The following FBXL7 variants were observed in gnomAD, a reference collection of about 807,000 sequenced individuals.
The protein encoded by FBXL7 is F-box/LRR-repeat protein 7.
Under a neutral mutation model 38.3 loss-of-function variants are expected in FBXL7, and 12 were observed. The observed-to-expected ratio is 0.31, with a 90% CI of 0.20 to 0.51. The LOEUF is 0.51. FBXL7 is among the 20% of genes least tolerant of loss of function. The pLI is 0.98. For synonymous variants in FBXL7, 297 were observed against 300.9 expected (o/e 0.99, Z 0.13); for missense variants, 567 against 676.4 (o/e 0.84, Z 1.79).
At chr5:15,886,210 GGT>G (rs140069204) in intron 2 of FBXL7, among the ~76,000 whole-genome samples, 17 of 149,880 alleles carry the variant, frequency 1.1e-4, no homozygotes, top group Non-Finnish European at 1.9e-4. Flanking sequence ...ATAATTTTGA[GGT>G]GTGTGTGTGT....
chr5:15,561,463 C>T (rs1561028314), intron 1 of FBXL7, among the ~76,000 whole-genome samples: 1 of 152,124 alleles, frequency 6.6e-6, no homozygotes, highest in Non-Finnish European at 1.5e-5. Flanking sequence ...CATTCATCCG[C>T]TGATGGATAT....
chr5:15,809,056 C>T (rs961376638), intron 2 of FBXL7, among the ~76,000 whole-genome samples: 1 of 152,150 alleles, frequency 6.6e-6, no homozygotes, highest in Non-Finnish European at 1.5e-5. Flanking sequence ...ATAGATTTAA[C>T]TCTGCAGGAA....
At chr5:15,749,622 G>C (rs369854277) in intron 2 of FBXL7, among the ~76,000 whole-genome samples, 2 of 151,738 alleles carry the variant, frequency 1.3e-5, no homozygotes, top group Admixed American at 1.3e-4. Context: ...GCGAGACTCC[G>C]TCTCAAAAAA....
chr5:15,563,462 C>T lies in FBXL7; in HGVS notation c.38-52521C>T, dbSNP rs188510627. ...TTGTTGAGTTCATGCTGGCTGCAAC[C>T]ACTGGGGCTGCTAAAGCGTCTTTCA... On this transcript the variant is annotated intron_variant, in intron 1 of 3. Transcript: ENST00000504595. Among the ~76,000 whole-genome samples the T allele has an allele frequency of 8.4e-4, 128 of 152,234 alleles. 1 individual carries two copies. The highest frequency in any genetic ancestry group is 9.9e-4 in the Non-Finnish European group (67 of 67,992).
At chr5:15,798,102 C>T (rs1297523033) in intron 2 of FBXL7, among the ~76,000 whole-genome samples, 2 of 152,144 alleles carry the variant, frequency 1.3e-5, no homozygotes. Context: ...AGCATTGGTG[C>T]CATTTCACAT....
intron 1 of FBXL7, among the ~76,000 whole-genome samples, chr5:15,538,776 G>A (rs779161902): frequency 6.6e-6 from 1 of 152,134 alleles, no homozygotes; most frequent in African/African-American, 2.4e-5. Context: ...GGGCAGCAGT[G>A]GATCAATGGA....
chr5:15,594,687 G>A (rs1160246112), intron 1 of FBXL7, among the ~76,000 whole-genome samples: 2 of 152,232 alleles, frequency 1.3e-5, no homozygotes, highest in Non-Finnish European at 2.9e-5. Context: ...CTTTGGAAAT[G>A]TTCCGGGAAT....
intron 1 of FBXL7, among the ~76,000 whole-genome samples, chr5:15,533,158 A>G (rs1233958551): frequency 6.6e-6 from 1 of 152,102 alleles, no homozygotes; most frequent in Non-Finnish European, 1.5e-5. Context: ...CTTGTTGGAA[A>G]TCACTAGATT....
chr5:15,700,193 T>C (rs2126632014), intron 2 of FBXL7, among the ~76,000 whole-genome samples: 1 of 152,328 alleles, frequency 6.6e-6, no homozygotes, highest in East Asian at 1.9e-4. Context: ...CAAAGGCTCT[T>C]CTTGAAGTGG....
intron 1 of FBXL7, among the ~76,000 whole-genome samples, chr5:15,613,802 C>T (rs963277037): frequency 6.6e-6 from 1 of 152,154 alleles, no homozygotes; most frequent in African/African-American, 2.4e-5. Context: ...CTGTTATAAC[C>T]AAATACCATA....
chr5:15,824,472 G>A (rs1020074977), intron 2 of FBXL7, among the ~76,000 whole-genome samples: 5 of 151,950 alleles, frequency 3.3e-5, no homozygotes, highest in Admixed American at 1.3e-4. Context: ...GCTTGTGACC[G>A]TGGCGCCCTC....
chr5:15,882,033 G>A (rs556886385), intron 2 of FBXL7, among the ~76,000 whole-genome samples: 1 of 152,194 alleles, frequency 6.6e-6, no homozygotes, highest in East Asian at 1.9e-4. Context: ...AGGAGTGTTG[G>A]GAGAGGTGCT....
At chr5:15,533,950 C>T (rs944114135) in intron 1 of FBXL7, among the ~76,000 whole-genome samples, 1 of 151,860 alleles carries the variant, frequency 6.6e-6, no homozygotes, top group Admixed American at 6.6e-5. Context: ...CCTTTTTTTC[C>T]CCCTTTTTTG....
intron 2 of FBXL7, among the ~76,000 whole-genome samples, chr5:15,625,800 A>G (rs1740796171): frequency 6.6e-6 from 1 of 152,234 alleles, no homozygotes; most frequent in South Asian, 2.1e-4. Flanking sequence ...CTGGAAATAT[A>G]CCTTGAAGCT....
intron 2 of FBXL7, among the ~76,000 whole-genome samples, chr5:15,889,879 G>A (rs956583946): frequency 2.0e-5 from 3 of 152,074 alleles, no homozygotes; most frequent in African/African-American, 7.2e-5. Context: ...ACTAACACTT[G>A]TAAGATACAA....
chr5:15,828,256 T>C (rs1027891456), intron 2 of FBXL7, among the ~76,000 whole-genome samples: 1 of 152,180 alleles, frequency 6.6e-6, no homozygotes, highest in Non-Finnish European at 1.5e-5. Context: ...TAGTATAAGA[T>C]TGAGTTAGAA....
chr5:15,763,249 C>T (rs778375755), intron 2 of FBXL7, among the ~76,000 whole-genome samples: 12 of 152,170 alleles, frequency 7.9e-5, no homozygotes, highest in Non-Finnish European at 1.5e-4. Context: ...ATGTAATCCC[C>T]CTGTGCCTTA....
At position 15,927,947 on chromosome 5, in the gene FBXL7, C is replaced by T. The variant is rs765845939; in HGVS notation, c.185C>T (p.Pro62Leu). 26 of 1,564,914 alleles carry T rather than the reference C, an allele frequency of 1.7e-5. 1 individual carries two copies. In the Middle Eastern group the frequency reaches 2.8e-3, roughly 166 times the overall value. The part of the protein sequence containing the change: ...STPSPALICP[P>L]NLPGFQNGRG... ...CCCAGCCCAGCCCTGATATGTCCACCGAATCTCCCAGGATTTCAGAATGGA... is the reference window on the plus strand; with the variant it reads ...CCCAGCCCAGCCCTGATATGTCCACTGAATCTCCCAGGATTTCAGAATGGA... Residue 62 changes from proline to leucine, a missense_variant, in exon 3 of 4, where the codon CCG becomes CTG. Pro to Leu is a moderately conservative substitution (Grantham distance 98). Coordinates refer to ENST00000504595, the MANE Select transcript of FBXL7 (RefSeq NM_012304.5).
At chr5:15,558,201 G>T (rs1034306462) in intron 1 of FBXL7, among the ~76,000 whole-genome samples, 1 of 152,126 alleles carries the variant, frequency 6.6e-6, no homozygotes, top group Non-Finnish European at 1.5e-5. Flanking sequence ...CAAAGGAAAA[G>T]AAATCACAGT....
Sources: allele counts gnomAD v4.1 joint callset (sites outside exome capture counted in the v4.1 genomes callset), GRCh38; gene constraint gnomAD v4.1.1; transcripts MANE v1.5; gene names NCBI Gene and HGNC (gene_info 2026-07-23, HGNC 2026-07-21).